KCNH1: variants seen among roughly 807,000 people sequenced by gnomAD.
KCNH1 encodes voltage-gated delayed rectifier potassium channel KCNH1.
KCNH1 carries 27 observed loss-of-function variants against 69.2 expected under a neutral mutation model. The observed-to-expected ratio is 0.39, with a 90% confidence interval of 0.29 to 0.54. The LOEUF (loss-of-function observed/expected upper bound fraction) is 0.54, where lower values mean the gene tolerates loss of function less well. Among genes scored for constraint, KCNH1 ranks in the 20% least tolerant of loss-of-function variants. The pLI is 0.68. For missense variants in KCNH1, 798 were observed against 1,261.6 expected, an observed-to-expected ratio of 0.63 and a Z score of 5.57; for synonymous variants, 456 against 487.7, an observed-to-expected ratio of 0.93 and a Z score of 0.86.
At chr1:211,077,582 C>G (rs1020121925) in intron 5 of KCNH1, among the ~76,000 whole-genome samples, 6 of 152,244 alleles carry the variant, frequency 3.9e-5, no homozygotes, top group African/African-American at 1.4e-4. Flanking sequence ...ACCACCAGGC[C>G]TGCCCTAAAA....
intron 6 of KCNH1, among the ~76,000 whole-genome samples, chr1:210,986,189 G>C (rs1688830109): frequency 6.6e-6 from 1 of 152,158 alleles, no homozygotes; most frequent in African/African-American, 2.4e-5. Context: ...CTGCACGTGA[G>C]ATGGGTCTCC....
chr1:211,134,059 G>T lies in KCNH1; in HGVS notation c.-114C>A. The T allele has an allele frequency of 2.3e-6, 2 of 882,898 alleles. No homozygotes were observed. The highest frequency in any genetic ancestry group is 2.3e-5 in the Admixed American group (1 of 44,032). The allele number at this position is 882,898 out of a possible 1,614,324, so 54.7% of individuals were successfully genotyped here. A position where few individuals can be genotyped will look rare whatever the true frequency, so the allele number is the denominator to read the frequency against. The stretch of plus-strand genomic sequence containing the variant: ...GCTCGAAGCGCCCCATGCGCCCGGC[G>T]GGGATCCGCAGGCAGGGCTGGCGGC... On this transcript the variant is annotated 5_prime_UTR_variant, in exon 1 of 11. Transcript: ENST00000271751. This position sits in a 1 kb window ranked among gnomAD's most constrained non-coding sequence, Gnocchi z 5.7.
rs1382837118 is a variant in KCNH1 at position 210,797,599 on chromosome 1, G to A, written c.1824C>T (p.Ile608=). The change falls in exon 9 of 11, where the codon ATC becomes ATT. Residue 608 remains isoleucine, a synonymous_variant. Transcript: ENST00000271751. ...TGTCAACGCTCTCTCCTGCATGGTA[G>A]ATGAGGTCCCCTGGGGCACAGTGCA... ...QTVHCAPGDL[I]YHAGESVDSL... 2 of 1,614,230 alleles carry A rather than the reference G, an allele frequency of 1.2e-6. No homozygotes were observed. Among genetic ancestry groups the A allele is most frequent in the Non-Finnish European group, 1.7e-6 (2 of 1,180,028 alleles).
chr1:211,121,740 A>G (rs1691688401), intron 1 of KCNH1, among the ~76,000 whole-genome samples: 1 of 152,268 alleles, frequency 6.6e-6, no homozygotes, highest in South Asian at 2.1e-4. Flanking sequence ...CAGAGTGAAT[A>G]GATAGCCTAC....
At chr1:211,090,096 G>A (rs1331911333) in intron 4 of KCNH1, among the ~76,000 whole-genome samples, 11 of 152,194 alleles carry the variant, frequency 7.2e-5, no homozygotes, top group Admixed American at 3.9e-4. Flanking sequence ...TGAATTAACC[G>A]GTCACAGACT....
At chr1:211,114,390 T>G (rs1164789547) in intron 1 of KCNH1, among the ~76,000 whole-genome samples, 1 of 152,022 alleles carries the variant, frequency 6.6e-6, no homozygotes, top group Admixed American at 6.6e-5. Flanking sequence ...TCAACCACAT[T>G]CCCTTTGCTA....
intron 7 of KCNH1, chr1:210,860,185 T>C (rs1685946456): frequency 5.7e-6 from 7 of 1,233,146 alleles, no homozygotes; most frequent in South Asian, 4.8e-5. Flanking sequence ...AACTGTTACA[T>C]AATTATAAAG....
At chr1:210,943,789 A>G (rs10779548) in intron 6 of KCNH1, among the ~76,000 whole-genome samples, 112,774 of 152,064 alleles carry the variant, frequency 0.74, 42,149 homozygotes, top group East Asian at 0.89. Flanking sequence ...GATTAGATTT[A>G]GTCCCTGCTA....
At chr1:210,710,669 G>A (rs1434116504) in intron 10 of KCNH1, among the ~76,000 whole-genome samples, 2 of 152,218 alleles carry the variant, frequency 1.3e-5, no homozygotes, top group South Asian at 4.2e-4. Flanking sequence ...GCTCAGAGAA[G>A]CCTAATGCCA....
At position 210,919,363 on chromosome 1, in the gene KCNH1, CTG is replaced by C. The variant is rs1173095826; in HGVS notation, c.1462+275_1462+276del. On this transcript the variant is annotated intron_variant, in intron 7 of 10. Coordinates refer to ENST00000271751, the MANE Select transcript of KCNH1 (RefSeq NM_172362.3). The surrounding 1 kb of genome is among the most constrained non-coding windows in gnomAD (Gnocchi z 4.2). ...TATTCAGATATGCAAAGAAAATAGT[CTG>C]TAAGAGAAGACACCAACAGTATTAG... is the stretch of plus-strand genomic sequence containing the variant. 8.1e-6 allele frequency: 3 copies of C among 368,276 alleles called. No homozygotes were observed. Among genetic ancestry groups the C allele is most frequent in the African/African-American group, 6.0e-5 (3 of 49,882 alleles). 22.8% of individuals were successfully genotyped at this position (368,276 alleles called of 1,614,324 possible).
chr1:211,080,104 A>T (rs1046985314), intron 5 of KCNH1, among the ~76,000 whole-genome samples: 1 of 152,254 alleles, frequency 6.6e-6, no homozygotes, highest in African/African-American at 2.4e-5. Flanking sequence ...TAAGCTGATA[A>T]GCAACTTCAG....
chr1:210,966,769 G>C (rs1275676367), intron 6 of KCNH1, among the ~76,000 whole-genome samples: 2 of 152,234 alleles, frequency 1.3e-5, no homozygotes, highest in Non-Finnish European at 2.9e-5. Context: ...CTGTTGGTGG[G>C]AGTGTAAATT....
intron 6 of KCNH1, among the ~76,000 whole-genome samples, chr1:210,971,255 C>T (rs530264630): frequency 1.1e-4 from 17 of 152,134 alleles, no homozygotes; most frequent in Admixed American, 7.9e-4. Context: ...AGCCGACCCA[C>T]GATGTTTTAT....
intron 10 of KCNH1, among the ~76,000 whole-genome samples, chr1:210,689,780 G>A (rs1022762039): frequency 6.6e-6 from 1 of 152,198 alleles, no homozygotes; most frequent in Non-Finnish European, 1.5e-5. Context: ...TCTGAAATCT[G>A]GCTACACGTC....
chr1:211,065,614 C>T (rs1690515654), intron 5 of KCNH1, among the ~76,000 whole-genome samples: 1 of 151,998 alleles, frequency 6.6e-6, no homozygotes, highest in Non-Finnish European at 1.5e-5. Flanking sequence ...TTAAAAATTG[C>T]TGAGAGTAGA....
intron 1 of KCNH1, among the ~76,000 whole-genome samples, chr1:211,115,178 G>A (rs565327794): frequency 3.6e-4 from 54 of 152,112 alleles, no homozygotes; most frequent in Non-Finnish European, 6.0e-4. Flanking sequence ...TAGTAGAGAC[G>A]AGGATTCACC....
At position 211,133,614 on chromosome 1, in the gene KCNH1, A is replaced by G. The variant is rs1455364876; in HGVS notation, c.79+253T>C. Reference sequence around the variant, plus strand: ...GCTGTCACGCATCCTTGGAGATAAGACCGAGAGGGCGCTAGAAAGGCCCAA... The same window carrying G: ...GCTGTCACGCATCCTTGGAGATAAGGCCGAGAGGGCGCTAGAAAGGCCCAA... On this transcript the variant is annotated intron_variant, in intron 1 of 10. Coordinates refer to ENST00000271751, the MANE Select transcript of KCNH1 (RefSeq NM_172362.3). The surrounding 1 kb of genome is among the most constrained non-coding windows in gnomAD (Gnocchi z 5.4). Among the ~76,000 whole-genome samples, 1 of 152,082 alleles carries G rather than the reference A, an allele frequency of 6.6e-6. No homozygotes were observed. The highest frequency in any genetic ancestry group is 1.5e-5 in the Non-Finnish European group (1 of 67,990).
chr1:210,857,469 G>C (rs575387607), intron 7 of KCNH1, among the ~76,000 whole-genome samples: 2 of 152,042 alleles, frequency 1.3e-5, no homozygotes, highest in Non-Finnish European at 2.9e-5. Flanking sequence ...TGGGGGTGAG[G>C]GGGAACTGTC....
chr1:210,773,547 C>T (rs1210365038), intron 10 of KCNH1, among the ~76,000 whole-genome samples: 2 of 152,202 alleles, frequency 1.3e-5, no homozygotes, highest in African/African-American at 4.8e-5. Flanking sequence ...GGCATTGGAA[C>T]CTTGTACAAA....
Sources: allele counts gnomAD v4.1 joint callset (sites outside exome capture counted in the v4.1 genomes callset), GRCh38; gene constraint gnomAD v4.1.1; non-coding constraint Gnocchi (gnomAD v3.1); transcripts MANE v1.5; gene names NCBI Gene and HGNC (gene_info 2026-07-23, HGNC 2026-07-21).